STK39: variants seen among roughly 807,000 people sequenced by gnomAD.
The protein encoded by STK39 is STE20/SPS1-related proline-alanine-rich protein kinase.
A neutral mutation model predicts 77.8 loss-of-function variants in STK39; 20 were observed. The observed-to-expected ratio is 0.26, with a 90% CI of 0.18 to 0.37. The LOEUF is 0.37. Among genes scored for constraint, STK39 ranks in the 10% least tolerant of loss-of-function variants. The pLI, the probability that STK39 is intolerant of heterozygous loss-of-function variation, is 1.00. For missense variants in STK39, 479 were observed against 656.5 expected, an observed-to-expected ratio of 0.73 and a Z score of 2.95; for synonymous variants, 246 against 234.1, an observed-to-expected ratio of 1.05 and a Z score of -0.47.
At chr2:168,031,553 C>T (rs190834680) in intron 14 of STK39, among the ~76,000 whole-genome samples, 2 of 152,274 alleles carry the variant, frequency 1.3e-5, no homozygotes, top group African/African-American at 4.8e-5. Flanking sequence ...TATTTGGGGA[C>T]AGGGTCTTCA....
At chr2:168,191,947 T>C (rs1381262200) in intron 1 of STK39, among the ~76,000 whole-genome samples, 1 of 152,012 alleles carries the variant, frequency 6.6e-6, no homozygotes, top group Non-Finnish European at 1.5e-5. Flanking sequence ...TCTACACATT[T>C]AGGAGGAAAC....
In STK39 at chr2:167,960,782, C is replaced by A. The variant is rs564549912; in HGVS notation, c.1563+3880G>T. Among the ~76,000 whole-genome samples, 25 of 152,268 alleles carry A rather than the reference C, an allele frequency of 1.6e-4. No homozygotes were observed. The South Asian group carries it at 5.0e-3, about 30-fold the overall frequency. On this transcript the variant is annotated intron_variant, in intron 17 of 17. Coordinates refer to ENST00000355999, the MANE Select transcript of STK39 (RefSeq NM_013233.3). The stretch of plus-strand genomic sequence containing the variant: ...AGAGTGTGAGGTGCCCCCACCCCCC[C>A]ACCATAGAGTCTGAGAACCACTCGT...
At chr2:167,961,599 A>G (rs1208974060) in intron 17 of STK39, among the ~76,000 whole-genome samples, 1 of 152,204 alleles carries the variant, frequency 6.6e-6, no homozygotes, top group Non-Finnish European at 1.5e-5. Flanking sequence ...AAAATACATC[A>G]AACTCAAAGC....
intron 5 of STK39, among the ~76,000 whole-genome samples, chr2:168,150,573 T>C (rs1688253231): frequency 6.6e-6 from 1 of 152,098 alleles, no homozygotes; most frequent in African/African-American, 2.4e-5. Context: ...CATGATTCTT[T>C]GCACAGATTT....
intron 16 of STK39, among the ~76,000 whole-genome samples, chr2:167,980,342 T>C (rs1683383301): frequency 6.6e-6 from 1 of 152,194 alleles, no homozygotes; most frequent in African/African-American, 2.4e-5. Context: ...CTTCCCAGGA[T>C]CAACTTTTTC....
intron 10 of STK39, among the ~76,000 whole-genome samples, chr2:168,125,783 T>C (rs1376145240): frequency 2.0e-5 from 3 of 152,212 alleles, no homozygotes; most frequent in African/African-American, 7.2e-5. Context: ...ATTTTCTATT[T>C]TTTCGTGATT....
chr2:168,213,590 G>A (rs907164169), intron 1 of STK39, among the ~76,000 whole-genome samples: 5 of 151,842 alleles, frequency 3.3e-5, no homozygotes, highest in African/African-American at 1.2e-4. Flanking sequence ...GGAGGCTGAG[G>A]TGGGAGGATC....
chr2:168,164,122 T>TAGCC (rs1323832891), intron 3 of STK39, among the ~76,000 whole-genome samples: 1 of 152,222 alleles, frequency 6.6e-6, no homozygotes, highest in Non-Finnish European at 1.5e-5. Context: ...ACCAGAAGGC[T>TAGCC]GTTCATGGCC....
intron 16 of STK39, among the ~76,000 whole-genome samples, chr2:167,980,294 A>G (rs915690324): frequency 6.6e-6 from 1 of 152,192 alleles, no homozygotes; most frequent in African/African-American, 2.4e-5. Flanking sequence ...AATCAGTGAG[A>G]AGAAATATGC....
chr2:168,243,285 T>G (rs2105284124), intron 1 of STK39, among the ~76,000 whole-genome samples: 1 of 152,304 alleles, frequency 6.6e-6, no homozygotes, highest in East Asian at 1.9e-4. Flanking sequence ...ACAATCTCAT[T>G]TTACAAGAGG....
chr2:167,983,500 G>T (rs1354093038), intron 16 of STK39, among the ~76,000 whole-genome samples: 4 of 141,518 alleles, frequency 2.8e-5, no homozygotes, highest in Non-Finnish European at 6.1e-5. Context: ...AAGGAAGGAA[G>T]GAAGGAAGGA....
At chr2:168,010,122 CA>C (rs1412715484) in intron 16 of STK39, among the ~76,000 whole-genome samples, 1 of 152,208 alleles carries the variant, frequency 6.6e-6, no homozygotes, top group South Asian at 2.1e-4. Flanking sequence ...AATAAAAGAA[CA>C]ATCTGATCCT....
At chr2:168,104,991 G>A (rs1197688304) in intron 10 of STK39, among the ~76,000 whole-genome samples, 2 of 152,186 alleles carry the variant, frequency 1.3e-5, no homozygotes, top group Admixed American at 6.5e-5. Context: ...ATGTACAGAT[G>A]TGGAAATATA....
intron 1 of STK39, among the ~76,000 whole-genome samples, chr2:168,227,708 A>G (rs940725400): frequency 1.3e-5 from 2 of 152,204 alleles, no homozygotes; most frequent in Non-Finnish European, 2.9e-5. Flanking sequence ...GGAGTCTCAC[A>G]GTGCAGTGGC....
At chr2:168,244,004 T>C (rs1690837898) in intron 1 of STK39, among the ~76,000 whole-genome samples, 2 of 152,068 alleles carry the variant, frequency 1.3e-5, no homozygotes, top group Admixed American at 6.5e-5. Context: ...AAGACAGAAA[T>C]ATTTGAAATC....
intron 5 of STK39, among the ~76,000 whole-genome samples, chr2:168,151,412 G>C (rs868361064): frequency 1.3e-5 from 2 of 152,068 alleles, no homozygotes; most frequent in African/African-American, 4.8e-5. Context: ...CTTCTACAAG[G>C]AATCAAATCA....
intron 16 of STK39, among the ~76,000 whole-genome samples, chr2:167,978,805 A>T (rs1272034075): frequency 2.0e-5 from 3 of 152,088 alleles, no homozygotes; most frequent in African/African-American, 7.2e-5. Flanking sequence ...GAAACCACTG[A>T]TGTGTTTTCT....
intron 1 of STK39, among the ~76,000 whole-genome samples, chr2:168,235,021 A>G (rs1388450091): frequency 6.7e-6 from 1 of 150,082 alleles, no homozygotes; most frequent in Non-Finnish European, 1.5e-5. Context: ...TAGTACCTTA[A>G]AATTTATTGA....
At position 168,182,128 on chromosome 2, in the gene STK39, C is replaced by A. The variant is rs1340507337; in HGVS notation, c.209-38G>T. The A allele has an allele frequency of 1.9e-6, 3 of 1,543,994 alleles. No homozygotes were observed. In the South Asian group the frequency reaches 3.4e-5, roughly 17 times the overall value. On this transcript the variant is annotated intron_variant, in intron 1 of 17. Coordinates refer to ENST00000355999, the MANE Select transcript of STK39 (RefSeq NM_013233.3). ...AAAAACAACATCAGCGATCAAATGGCACACTGTGAGGTTACTATCTGTAAC... is the reference window on the plus strand; with the variant it reads ...AAAAACAACATCAGCGATCAAATGGAACACTGTGAGGTTACTATCTGTAAC...
Sources: allele counts gnomAD v4.1 joint callset (sites outside exome capture counted in the v4.1 genomes callset), GRCh38; gene constraint gnomAD v4.1.1; transcripts MANE v1.5; gene names NCBI Gene and HGNC (gene_info 2026-07-23, HGNC 2026-07-21).